Variants in TTLL1 observed in about 807,000 individuals in gnomAD.
TTLL1 encodes the protein TTL family tubulin polyglutamylase complex subunit L1.
Under a neutral mutation model 47.8 loss-of-function variants are expected in TTLL1, and 33 were observed. That is an observed-to-expected ratio of 0.69 (90% CI 0.52 to 0.92). TTLL1 has a LOEUF of 0.92. TTLL1 is among the 40% of genes least tolerant of loss of function. The probability of loss-of-function intolerance (pLI) is 0.00; values close to 1 mark genes in which losing one functional copy is unlikely to be tolerated. For missense variants in TTLL1, 488 were observed against 547.5 expected, an observed-to-expected ratio of 0.89 and a Z score of 1.08; for synonymous variants, 225 against 214.1, an observed-to-expected ratio of 1.05 and a Z score of -0.45.
chr22:43,069,470 T>A, intron 4 of TTLL1, 166 bp downstream of exon 4: 1 of 1,161,084 alleles, frequency 8.6e-7, no homozygotes, highest in Non-Finnish European at 1.2e-6. Context: ...CTCAGGCCCC[T>A]CCTTCTCCCT....
intron 5 of TTLL1, among the ~76,000 whole-genome samples, chr22:43,066,445 C>T (rs2235379): frequency 0.13 from 19,426 of 151,766 alleles, 1,747 homozygotes; most frequent in East Asian, 0.4. Context: ...TAAGCATGGC[C>T]GGGCATGGTG....
intron 8 of TTLL1, among the ~76,000 whole-genome samples, chr22:43,055,642 A>AT (rs879527574): frequency 5.5e-4 from 80 of 144,598 alleles, no homozygotes; most frequent in East Asian, 3.1e-3. Flanking sequence ...ATTAAAAATA[A>AT]TTTTTTTTTT....
In TTLL1 at chr22:43,088,324, C is replaced by CTTTTTTTT. The variant is rs1167618669; in HGVS notation, c.-90+945_-90+952dup. On this transcript the variant is annotated intron_variant, in intron 1 of 10. Coordinates refer to ENST00000266254, the MANE Select transcript of TTLL1 (RefSeq NM_012263.5). Reference sequence around the variant, plus strand: ...AATTTGAGGGCAGAGAAGGGCCCATCTTTTTTTTTTTTTTTTTTTTTTTTT... The same window carrying CTTTTTTTT: ...AATTTGAGGGCAGAGAAGGGCCCATCTTTTTTTTTTTTTTTTTTTTTTTTTTTTTTTTT... Among the ~76,000 whole-genome samples, 64 of 56,488 alleles carry CTTTTTTTT rather than the reference C, an allele frequency of 1.1e-3. 7 individuals carry two copies. The highest frequency in any genetic ancestry group is 4.0e-3 in the African/African-American group (54 of 13,660). 37.1% of individuals were successfully genotyped at this position (56,488 alleles called of 152,430 possible).
At chr22:43,069,474 T>C in intron 4 of TTLL1, 162 bp downstream of exon 4, 1 of 1,289,862 alleles carries the variant, frequency 7.8e-7, no homozygotes, top group Non-Finnish European at 1.0e-6. Flanking sequence ...GGCCCCTCCT[T>C]CTCCCTCATT....
At position 43,046,426 on chromosome 22, in the gene TTLL1, C is replaced by CGAG; in HGVS notation, c.1123_1125dup (p.Leu375dup). 6.2e-7 allele frequency: 1 copy of CGAG among 1,613,908 alleles called. No homozygotes were observed. The highest frequency in any genetic ancestry group is 8.5e-7 in the Non-Finnish European group (1 of 1,179,980). The stretch of plus-strand genomic sequence containing the variant: ...CACACTTACAGAATCTCGTAATTGC[C>CGAG]GAGGACTTCCTTAGGTGGCGACTTG... On this transcript the variant is annotated inframe_insertion, in exon 10 of 11. Transcript: ENST00000266254.
Position 43,039,923 on chromosome 22 carries a change from C to A in TTLL1, c.1143-18G>T. 1 of 1,611,414 alleles carries A rather than the reference C, an allele frequency of 6.2e-7. No individual in the cohort carries two copies. Among genetic ancestry groups the A allele is most frequent in the Non-Finnish European group, 8.5e-7 (1 of 1,178,666 alleles). ...CATCATACCTGGAGACAGAAACAGC[C>A]AGGATCACGGCAGGCTCTCTTTCAA... On this transcript the variant is annotated intron_variant, in intron 10 of 10. Transcript: ENST00000266254.
chr22:43,048,283 C>T (rs1490837192), intron 9 of TTLL1, among the ~76,000 whole-genome samples: 1 of 151,222 alleles, frequency 6.6e-6, no homozygotes, highest in Non-Finnish European at 1.5e-5. Flanking sequence ...CGCCACTGCG[C>T]TCCAGCCTGG....
At chr22:43,051,003 C>A (rs146612578) in intron 9 of TTLL1, among the ~76,000 whole-genome samples, 40 of 152,348 alleles carry the variant, frequency 2.6e-4, no homozygotes, top group African/African-American at 9.6e-4. Flanking sequence ...CATAGGGAAC[C>A]AGTCCCTACA....
At chr22:43,066,472 C>T (rs1418133128) in intron 5 of TTLL1, among the ~76,000 whole-genome samples, 3 of 151,924 alleles carry the variant, frequency 2.0e-5, no homozygotes, top group Non-Finnish European at 4.4e-5. Context: ...ACCTGTAGTC[C>T]CAGCACTTTG....
rs1926637270 is a variant in TTLL1, at chr22:43,051,735, A to G, written c.978+66T>C. The stretch of plus-strand genomic sequence containing the variant: ...GGGGCCTGGGGGACTGCTGGGCCCG[A>G]ATCGGGGCAGAAGTGTGTTGGGGGC... On this transcript the variant is annotated intron_variant, in intron 9 of 10. Transcript: ENST00000266254. 2.0e-6 allele frequency: 3 copies of G among 1,508,126 alleles called. No homozygotes were observed. In the South Asian group the frequency reaches 3.4e-5, roughly 17 times the overall value. 93.4% of individuals were successfully genotyped at this position (1,508,126 alleles called of 1,614,324 possible).
chr22:43,087,341 A>G (rs1929287943), intron 1 of TTLL1, among the ~76,000 whole-genome samples: 1 of 152,002 alleles, frequency 6.6e-6, no homozygotes, highest in Admixed American at 6.6e-5. Context: ...CCTGGCTAAC[A>G]TGGTGAAACC....
At chr22:43,065,261 T>C (rs979811900) in intron 5 of TTLL1, among the ~76,000 whole-genome samples, 2 of 152,098 alleles carry the variant, frequency 1.3e-5, no homozygotes, top group African/African-American at 4.8e-5. Context: ...TGGGTGATGA[T>C]GGGCTGGTGT....
At position 43,075,474 on chromosome 22, in the gene TTLL1, C is replaced by A. The variant is rs974301481; in HGVS notation, c.113G>T (p.Trp38Leu). The change falls in exon 3 of 11, where the codon TGG becomes TTG. Residue 38 changes from tryptophan (W) to leucine (L), a missense_variant and splice_region_variant. By Grantham distance (61) the Trp-to-Leu change is moderately conservative. Transcript: ENST00000266254. ...VTENEDWNFY[W>L]MSVQTIRNVF... is the part of the protein sequence containing the mutation. ...ACCCAGCCCTGCTGTGTATGCTTACCAGTAAAAATTCCAGTCCTCGTTTTC... is the reference window on the plus strand; with the variant it reads ...ACCCAGCCCTGCTGTGTATGCTTACAAGTAAAAATTCCAGTCCTCGTTTTC... 4 of 1,613,414 alleles carry A rather than the reference C, an allele frequency of 2.5e-6. No homozygotes were observed. In the African/African-American group the frequency reaches 5.3e-5, roughly 22 times the overall value.
intron 8 of TTLL1, among the ~76,000 whole-genome samples, chr22:43,056,889 C>A (rs911803877): frequency 2.0e-5 from 3 of 152,182 alleles, no homozygotes; most frequent in Non-Finnish European, 4.4e-5. Flanking sequence ...AACTCCTGGA[C>A]TCAAGCAATC....
intron 10 of TTLL1, among the ~76,000 whole-genome samples, chr22:43,043,701 G>A (rs2146956691): frequency 6.6e-6 from 1 of 152,158 alleles, no homozygotes; most frequent in East Asian, 1.9e-4. Context: ...TTCCCCTGCA[G>A]CCCCTGGTGT....
intron 2 of TTLL1, among the ~76,000 whole-genome samples, chr22:43,076,492 C>T (rs1370371302): frequency 6.6e-6 from 1 of 151,550 alleles, no homozygotes; most frequent in East Asian, 2.0e-4. Flanking sequence ...TGGCTCACGC[C>T]TGTAATCCCA....
intron 1 of TTLL1, among the ~76,000 whole-genome samples, chr22:43,088,090 G>A (rs1929355523): frequency 6.6e-6 from 1 of 151,618 alleles, no homozygotes; most frequent in African/African-American, 2.4e-5. Flanking sequence ...AGAGGTTGCA[G>A]TGAGCCGAGA....
At chr22:43,073,827 TTA>T (rs1183191239) in intron 3 of TTLL1, among the ~76,000 whole-genome samples, 8 of 151,200 alleles carry the variant, frequency 5.3e-5, no homozygotes, top group Non-Finnish European at 1.0e-4. Context: ...ATTTATTTAT[TTA>T]TTTATTTTTT....
At position 43,089,379 on chromosome 22, in the gene TTLL1, T is replaced by G. The variant is rs6003048; in HGVS notation, c.-192A>C. 106,612 of 152,184 alleles carry G rather than the reference T, an allele frequency of 0.7. 37,577 individuals carry two copies. Among genetic ancestry groups the G allele is most frequent in the East Asian group, 0.94 (4,805 of 5,136 alleles). The allele number at this position is 152,184 out of a possible 1,614,324, so 9.4% of individuals were successfully genotyped here. ...AGCCCCTCTCCGGCGCTCGCAGGAG[T>G]ACGCAGCCGACTGCCAGGCGCACCG... On this transcript the variant is annotated 5_prime_UTR_variant, in exon 1 of 11. Coordinates refer to ENST00000266254, the MANE Select transcript of TTLL1 (RefSeq NM_012263.5).
Sources: allele counts gnomAD v4.1 joint callset (sites outside exome capture counted in the v4.1 genomes callset), GRCh38; gene constraint gnomAD v4.1.1; transcripts MANE v1.5; gene names NCBI Gene and HGNC (gene_info 2026-07-23, HGNC 2026-07-21).